The following HTRA1 variants were observed in gnomAD, a reference collection of about 807,000 sequenced individuals.
HTRA1 encodes serine protease HTRA1.
HTRA1 carries 26 observed loss-of-function variants against 49.7 expected under a neutral mutation model. The ratio of observed to expected loss-of-function variants is 0.52; its 90% CI spans 0.38 to 0.73. The LOEUF (loss-of-function observed/expected upper bound fraction) is 0.73. Among genes scored for constraint, HTRA1 ranks in the 30% least tolerant of loss-of-function variants. The pLI, the probability that HTRA1 is intolerant of heterozygous loss-of-function variation, is 0.00. For missense variants in HTRA1, 561 were observed against 667.2 expected, an observed-to-expected ratio of 0.84 and a Z score of 1.75; for synonymous variants, 291 against 286.9, an observed-to-expected ratio of 1.01 and a Z score of -0.14.
chr10:122,505,564 CCT>C (rs1439677987), intron 3 of HTRA1, among the ~76,000 whole-genome samples: 1 of 152,204 alleles, frequency 6.6e-6, no homozygotes, highest in African/African-American at 2.4e-5. Context: ...GGTCACCCCA[CCT>C]CATCAGCTAG....
At position 122,506,591 on chromosome 10, in the gene HTRA1, T is replaced by G; in HGVS notation, c.778-100T>G. ...CCCCACCGGGCCTGGTGTTTCCAAA[T>G]AGCCCGTCACTGTCCCTGCTTGGTT... On this transcript the variant is annotated intron_variant, in intron 3 of 8. Coordinates refer to ENST00000368984, the MANE Select transcript of HTRA1 (RefSeq NM_002775.5). The surrounding 1 kb of genome is among the most constrained non-coding windows in gnomAD (Gnocchi z 5.2). 3 of 1,043,348 alleles carry G rather than the reference T, an allele frequency of 2.9e-6. No individual in the cohort carries two copies. The highest frequency in any genetic ancestry group is 4.4e-6 in the Non-Finnish European group (3 of 676,754). The allele number at this position is 1,043,348 out of a possible 1,614,324, so 64.6% of individuals were successfully genotyped here.
In HTRA1 at chr10:122,514,475, T is replaced by C; in HGVS notation, c.*116T>C. 1 of 1,002,040 alleles carries C rather than the reference T, an allele frequency of 1.0e-6. No homozygotes were observed. The highest frequency in any genetic ancestry group is 1.8e-5 in the Admixed American group (1 of 54,216). The allele number at this position is 1,002,040 out of a possible 1,614,324, so 62.1% of individuals were successfully genotyped here. A position where few individuals can be genotyped will look rare whatever the true frequency, so the allele number is the denominator to read the frequency against. On this transcript the variant is annotated 3_prime_UTR_variant, in exon 9 of 9. Coordinates refer to ENST00000368984, the MANE Select transcript of HTRA1 (RefSeq NM_002775.5). Reference sequence around the variant, plus strand: ...AGACTTTTGACTGCCATTTTGTTTGTTCAGTGGAGACTCCCTGGCCAACAG... The same window carrying C: ...AGACTTTTGACTGCCATTTTGTTTGCTCAGTGGAGACTCCCTGGCCAACAG...
At chr10:122,505,700 G>A (rs2097502743) in intron 3 of HTRA1, among the ~76,000 whole-genome samples, 1 of 152,224 alleles carries the variant, frequency 6.6e-6, no homozygotes, top group East Asian at 1.9e-4. Flanking sequence ...TGGAGTTGCA[G>A]TTCCCACGAG....
At chr10:122,507,072 CA>C (rs2097503370) in intron 4 of HTRA1, among the ~76,000 whole-genome samples, 187 bp downstream of exon 4, 1 of 152,180 alleles carries the variant, frequency 6.6e-6, no homozygotes, top group Admixed American at 6.5e-5. Context: ...GACACCGGAG[CA>C]GGTGGACAGC....
intron 3 of HTRA1, among the ~76,000 whole-genome samples, chr10:122,499,582 A>G (rs2097500080): frequency 2.0e-5 from 3 of 152,002 alleles, no homozygotes; most frequent in Non-Finnish European, 4.4e-5. Context: ...TCCCCTGCCC[A>G]TGTGCTCACT....
chr10:122,510,555 G>A (rs1361921975), intron 7 of HTRA1, among the ~76,000 whole-genome samples: 5 of 152,196 alleles, frequency 3.3e-5, no homozygotes, highest in African/African-American at 7.2e-5. Context: ...CTCTGCTTTC[G>A]TTGCTCTGCA....
chr10:122,506,813 C>G lies in HTRA1; in HGVS notation c.900C>G (p.Thr300=). 1.1e-5 allele frequency: 18 copies of G among 1,613,874 alleles called. No individual in the cohort carries two copies. Among genetic ancestry groups the G allele is most frequent in the Non-Finnish European group, 1.5e-5 (18 of 1,180,008 alleles). ...NTVTTGIVST[T]QRGGKELGLR... ...TCACCACCGGGATCGTGAGCACCACCCAGCGAGGCGGCAAAGAGCTGGGGC... is the reference window on the plus strand; with the variant it reads ...TCACCACCGGGATCGTGAGCACCACGCAGCGAGGCGGCAAAGAGCTGGGGC... Residue 300 remains threonine, a synonymous_variant, in exon 4 of 9, where the codon ACC becomes ACG. Transcript: ENST00000368984. This position sits in a 1 kb window ranked among gnomAD's most constrained non-coding sequence, Gnocchi z 5.2.
intron 6 of HTRA1, 42 bp downstream of exon 6, chr10:122,508,812 G>T (rs373496693): frequency 4.2e-6 from 5 of 1,201,242 alleles, no homozygotes; most frequent in Non-Finnish European, 5.0e-6. Context: ...CGGAGATGGG[G>T]CCTGAAGCTC....
intron 1 of HTRA1, among the ~76,000 whole-genome samples, chr10:122,473,518 T>G (rs2097487044): frequency 6.6e-6 from 1 of 152,250 alleles, no homozygotes; most frequent in Non-Finnish European, 1.5e-5. Context: ...CAAAATTATT[T>G]TCTAGTAGTC....
At position 122,464,011 on chromosome 10, in the gene HTRA1, C is replaced by T. The variant is rs1295675448; in HGVS notation, c.472+1887C>T. On this transcript the variant is annotated intron_variant, in intron 1 of 8. Transcript: ENST00000368984. This position sits in a 1 kb window ranked among gnomAD's most constrained non-coding sequence, Gnocchi z 4.8. ...GCCCCGTGCCCTGTGCGCAGATGTT[C>T]TTGAACTGGAGCAACTCAAAGCCTA... is the stretch of plus-strand genomic sequence containing the variant. 1.3e-5 allele frequency among the ~76,000 whole-genome samples: 2 copies of T among 152,174 alleles called. No homozygotes were observed. Among genetic ancestry groups the T allele is most frequent in the South Asian group, 2.1e-4 (1 of 4,826 alleles).
chr10:122,489,300 G>A, intron 2 of HTRA1, 122 bp from the exon 3 acceptor site: 1 of 981,038 alleles, frequency 1.0e-6, no homozygotes, highest in Non-Finnish European at 1.6e-6. Flanking sequence ...TAAATGCTAA[G>A]CCCGATATAT....
chr10:122,493,149 G>A (rs2097496732), intron 3 of HTRA1, among the ~76,000 whole-genome samples: 1 of 152,240 alleles, frequency 6.6e-6, no homozygotes, highest in South Asian at 2.1e-4. Context: ...AGAGCTTTTG[G>A]GAGACAATCA....
intron 1 of HTRA1, among the ~76,000 whole-genome samples, chr10:122,486,432 G>C (rs763935391): frequency 2.0e-5 from 3 of 152,212 alleles, no homozygotes; most frequent in African/African-American, 4.8e-5. Flanking sequence ...TGTAAAAGGA[G>C]ATGATTCCAA....
Position 122,479,356 on chromosome 10 carries a change from C to T in HTRA1, c.473-9546C>T, listed in dbSNP as rs147043699. Reference sequence around the variant, plus strand: ...GGGTTAGGCTCTTGCTTTTGCCACTCGCCAGCTCTGAGGCTTAGGGCAACA... The same window carrying T: ...GGGTTAGGCTCTTGCTTTTGCCACTTGCCAGCTCTGAGGCTTAGGGCAACA... On this transcript the variant is annotated intron_variant, in intron 1 of 8. Transcript: ENST00000368984. Among the ~76,000 whole-genome samples, 747 of 152,204 alleles carry T rather than the reference C, an allele frequency of 4.9e-3. 5 individuals are homozygous for T. The highest frequency in any genetic ancestry group is 0.017 in the African/African-American group (720 of 41,526).
At chr10:122,475,388 C>A (rs1244460900) in intron 1 of HTRA1, among the ~76,000 whole-genome samples, 2 of 152,220 alleles carry the variant, frequency 1.3e-5, no homozygotes, top group African/African-American at 2.4e-5. Flanking sequence ...GCTCCCGGCT[C>A]CCCCGCCTCT....
In HTRA1 at chr10:122,461,748, T is replaced by A. The variant is rs779504282; in HGVS notation, c.96T>A (p.Pro32=). 2 of 1,132,490 alleles carry A rather than the reference T, an allele frequency of 1.8e-6. No homozygotes were observed. Among genetic ancestry groups the A allele is most frequent in the South Asian group, 2.6e-5 (1 of 39,090 alleles). 70.2% of individuals were successfully genotyped at this position (1,132,490 alleles called of 1,614,324 possible). A position where few individuals can be genotyped will look rare whatever the true frequency, so the allele number is the denominator to read the frequency against. ...TGTCCCGGGCCGGCCGCTCGGCGCC[T>A]TTGGCCGCCGGGTGCCCAGACCGCT... ...AQLSRAGRSA[P]LAAGCPDRCE... is the part of the protein sequence containing the mutation. Residue 32 remains proline (P), a synonymous_variant, in exon 1 of 9, where the codon CCT becomes CCA. Coordinates refer to ENST00000368984, the MANE Select transcript of HTRA1 (RefSeq NM_002775.5).
intron 4 of HTRA1, 77 bp from the exon 5 acceptor site, chr10:122,507,293 G>C (rs1276117404): frequency 8.3e-7 from 1 of 1,206,880 alleles, no homozygotes; most frequent in Non-Finnish European, 1.2e-6. Context: ...CCGTGCTCAG[G>C]AAACGACCAG....
chr10:122,499,011 C>T (rs1455256145), intron 3 of HTRA1, among the ~76,000 whole-genome samples: 1 of 152,092 alleles, frequency 6.6e-6, no homozygotes. Flanking sequence ...TAGGTTCCAG[C>T]TTGGGCACCG....
At chr10:122,507,005 C>A in intron 4 of HTRA1, 120 bp downstream of exon 4, 2 of 904,360 alleles carry the variant, frequency 2.2e-6, no homozygotes, top group African/African-American at 1.6e-5. Context: ...GGAACTAGAC[C>A]AAGCCATGTG....
Sources: allele counts gnomAD v4.1 joint callset (sites outside exome capture counted in the v4.1 genomes callset), GRCh38; gene constraint gnomAD v4.1.1; non-coding constraint Gnocchi (gnomAD v3.1); transcripts MANE v1.5; gene names NCBI Gene and HGNC (gene_info 2026-07-23, HGNC 2026-07-21).